MYO1D: variants seen among roughly 807,000 people sequenced by gnomAD.
The protein encoded by MYO1D is myosin ID, also known as unconventional myosin-Id.
In MYO1D, 83 loss-of-function variants were observed where a neutral mutation model predicts 122.0. That is an observed-to-expected ratio of 0.68 (90% CI 0.57 to 0.82). The LOEUF is 0.82. Ranked by LOEUF, MYO1D falls within the 40% of genes least tolerant of loss-of-function variation. The probability of loss-of-function intolerance (pLI) is 0.00; values close to 1 mark genes in which losing one functional copy is unlikely to be tolerated. For synonymous variants in MYO1D, 464 were observed against 446.9 expected (o/e 1.04, Z -0.48); for missense variants, 1,157 against 1,269.5 (o/e 0.91, Z 1.35).
intron 16 of MYO1D, among the ~76,000 whole-genome samples, chr17:32,688,614 G>A (rs1433306500): frequency 2.6e-5 from 4 of 152,224 alleles, no homozygotes; most frequent in African/African-American, 9.6e-5. Flanking sequence ...AAAAAGCAGA[G>A]ATGTTTGAGG....
intron 2 of MYO1D, among the ~76,000 whole-genome samples, chr17:32,778,917 G>A (rs1267488600): frequency 7.9e-5 from 12 of 152,138 alleles, no homozygotes; most frequent in Non-Finnish European, 1.6e-4. Context: ...ATGAAATAAG[G>A]TAGTGAGTCA....
At chr17:32,854,905 A>C (rs1399211687) in intron 1 of MYO1D, among the ~76,000 whole-genome samples, 1 of 152,186 alleles carries the variant, frequency 6.6e-6, no homozygotes, top group East Asian at 1.9e-4. Context: ...GTCCCTATGA[A>C]GATGCCAACA....
chr17:32,807,483 CA>C (rs1420444353), intron 1 of MYO1D, among the ~76,000 whole-genome samples: 4 of 152,042 alleles, frequency 2.6e-5, no homozygotes, highest in African/African-American at 9.7e-5. Context: ...ATGTTTTTCT[CA>C]ATTAGGATGT....
intron 16 of MYO1D, among the ~76,000 whole-genome samples, chr17:32,702,076 C>T (rs1172868239): frequency 1.3e-5 from 2 of 152,334 alleles, no homozygotes; most frequent in Middle Eastern, 3.4e-3. Context: ...CTCCCCATAA[C>T]ATGCCTGCCA....
chr17:32,661,520 T>C (rs1015384308), intron 16 of MYO1D, among the ~76,000 whole-genome samples: 1 of 152,092 alleles, frequency 6.6e-6, no homozygotes, highest in Non-Finnish European at 1.5e-5. Flanking sequence ...CCATGTGTGG[T>C]GGTGTGCACC....
chr17:32,501,008 C>CAAAAAAAAA (rs548406349), intron 21 of MYO1D, among the ~76,000 whole-genome samples: 1 of 94,384 alleles, frequency 1.1e-5, no homozygotes. Context: ...GACTCCATCT[C>CAAAAAAAAA]AAAAAAAAAA....
chr17:32,719,351 C>CTTT (rs371411083), intron 15 of MYO1D, among the ~76,000 whole-genome samples: 4 of 137,172 alleles, frequency 2.9e-5, no homozygotes, highest in Admixed American at 7.4e-5. Context: ...TCTCCTTGCC[C>CTTT]TTTTTTTTTT....
At chr17:32,546,974 A>G (rs1466913568) in intron 21 of MYO1D, among the ~76,000 whole-genome samples, 1 of 151,712 alleles carries the variant, frequency 6.6e-6, no homozygotes, top group Non-Finnish European at 1.5e-5. Context: ...CAGTGGCACA[A>G]TCACAGCCCA....
In MYO1D at chr17:32,563,204, C is replaced by CTTTTTTTTTTTTTTT. The variant is rs749819200; in HGVS notation, c.2864+41882_2864+41883insAAAAAAAAAAAAAAA. Among the ~76,000 whole-genome samples the CTTTTTTTTTTTTTTT allele has an allele frequency of 5.9e-4, 62 of 105,124 alleles. 2 individuals are homozygous for CTTTTTTTTTTTTTTT. The highest frequency in any genetic ancestry group is 8.8e-4 in the African/African-American group (21 of 23,928). The allele number at this position is 105,124 out of a possible 152,430, so 69.0% of individuals were successfully genotyped here. A position where few individuals can be genotyped will look rare whatever the true frequency, so the allele number is the denominator to read the frequency against. On this transcript the variant is annotated intron_variant, in intron 21 of 21. Transcript: ENST00000318217. The stretch of plus-strand genomic sequence containing the variant: ...GCAATTACAGCTCTTTTTTTCTTCT[C>CTTTTTTTTTTTTTTT]TCTTTTTTTTTTTTTTTTTTTTTGA...
At chr17:32,789,094 G>A (rs1462749387) in intron 1 of MYO1D, among the ~76,000 whole-genome samples, 4 of 152,044 alleles carry the variant, frequency 2.6e-5, no homozygotes. Flanking sequence ...CAGTGCTGCT[G>A]ATTTGTGTAC....
intron 21 of MYO1D, among the ~76,000 whole-genome samples, chr17:32,513,833 C>A (rs1262941170): frequency 7.0e-6 from 1 of 142,522 alleles, no homozygotes; most frequent in African/African-American, 2.6e-5. Context: ...TTCTTTCTTT[C>A]TTTTTTTTTT....
chr17:32,770,299 T>G (rs2090100350), intron 6 of MYO1D, among the ~76,000 whole-genome samples: 1 of 152,148 alleles, frequency 6.6e-6, no homozygotes, highest in Non-Finnish European at 1.5e-5. Flanking sequence ...CCTTTACAGT[T>G]TCTTTTATTT....
chr17:32,712,156 G>T lies in MYO1D; in HGVS notation c.1953C>A (p.Asp651Glu). 1 of 1,613,986 alleles carries T rather than the reference G, an allele frequency of 6.2e-7. No homozygotes were observed. Among genetic ancestry groups the T allele is most frequent in the African/African-American group, 1.3e-5 (1 of 75,014 alleles). ...MISEFTWPNH[D>E]LPSDKEAVKK... ...TGACAGCCTCTTTGTCTGAAGGAAG[G>T]TCATGGTTGGGCCAGGTGAATTCAG... The change falls in exon 16 of 22, where the codon GAC becomes GAA. Residue 651 changes from aspartate (D) to glutamate (E), a missense_variant. By Grantham distance (45) the Asp-to-Glu change is conservative (BLOSUM62 2). Coordinates refer to ENST00000318217, the MANE Select transcript of MYO1D (RefSeq NM_015194.3).
chr17:32,613,533 T>C (rs1368912738), intron 20 of MYO1D, among the ~76,000 whole-genome samples: 2 of 152,002 alleles, frequency 1.3e-5, no homozygotes, highest in Non-Finnish European at 2.9e-5. Context: ...CCCAGCACTT[T>C]TGGAGGCCGA....
rs372156883 is a variant in MYO1D at position 32,672,699 on chromosome 17, A to G, written c.2122-13361T>C. Among the ~76,000 whole-genome samples the G allele has an allele frequency of 4.3e-3, 647 of 152,212 alleles. 4 individuals are homozygous for G. Among genetic ancestry groups the G allele is most frequent in the African/African-American group, 0.015 (608 of 41,530 alleles). On this transcript the variant is annotated intron_variant, in intron 16 of 21. Transcript: ENST00000318217. Reference sequence around the variant, plus strand: ...TGGGGTTTTGCCACGTTGGCCAGGCAGGTCTCCAACTCCTGACCTCAGGTG... The same window carrying G: ...TGGGGTTTTGCCACGTTGGCCAGGCGGGTCTCCAACTCCTGACCTCAGGTG...
At chr17:32,549,059 C>T (rs942745667) in intron 21 of MYO1D, among the ~76,000 whole-genome samples, 2 of 152,066 alleles carry the variant, frequency 1.3e-5, no homozygotes, top group African/African-American at 2.4e-5. Flanking sequence ...TACATTTACA[C>T]TGAAAAAATA....
chr17:32,628,732 GAC>G (rs2087960742), intron 20 of MYO1D, among the ~76,000 whole-genome samples: 1 of 152,060 alleles, frequency 6.6e-6, no homozygotes, highest in Non-Finnish European at 1.5e-5. Flanking sequence ...ATAAAAAAAA[GAC>G]ACTATCAAAT....
chr17:32,834,075 C>T (rs2090797508), intron 1 of MYO1D, among the ~76,000 whole-genome samples: 1 of 152,172 alleles, frequency 6.6e-6, no homozygotes, highest in Non-Finnish European at 1.5e-5. Context: ...TACTATTTTA[C>T]CTGTCAAGAC....
chr17:32,560,254 CA>C (rs1426190101), intron 21 of MYO1D, among the ~76,000 whole-genome samples: 1 of 147,950 alleles, frequency 6.8e-6, no homozygotes, highest in Admixed American at 6.7e-5. Flanking sequence ...GACTCCATCT[CA>C]AAAAAAAAGG....
Sources: gnomAD v4.1 joint callset for allele counts (sites outside exome capture counted in the v4.1 genomes callset) on GRCh38, gnomAD v4.1.1 for gene constraint, MANE v1.5 for transcripts, NCBI Gene and HGNC (gene_info 2026-07-23, HGNC 2026-07-21) for gene names.